ARK2C: variants seen among roughly 807,000 people sequenced by gnomAD.
ARK2C encodes arkadia (RNF111) C-terminal like ring finger ubiquitin ligase 2C.
chr18:46,392,840 G>C, the ARK2C span, among the ~76,000 whole-genome samples: 1 of 152,308 alleles, frequency 6.6e-6, no homozygotes, highest in South Asian at 2.1e-4. Flanking sequence ...CAACACGCCT[G>C]GGTGGAGTTG....
chr18:46,368,041 C>T, the ARK2C span, among the ~76,000 whole-genome samples: 6 of 152,188 alleles, frequency 3.9e-5, no homozygotes, highest in Non-Finnish European at 7.3e-5. Context: ...GGCCTGGCCC[C>T]AGAACCATGG....
chr18:46,397,533 TGTGTGG>T, the ARK2C span, among the ~76,000 whole-genome samples: 70 of 133,490 alleles, frequency 5.2e-4, no homozygotes, highest in African/African-American at 2.1e-3. Flanking sequence ...AGGTGGTGTG[TGTGTGG>T]GGTCATGCTG....
At chr18:46,421,140 TG>T in the ARK2C span, among the ~76,000 whole-genome samples, 6 of 152,248 alleles carry the variant, frequency 3.9e-5, no homozygotes, top group African/African-American at 1.4e-4. Flanking sequence ...CAGTTCATGC[TG>T]GACCTGCAAC....
the ARK2C span, among the ~76,000 whole-genome samples, chr18:46,369,210 G>T: frequency 6.6e-6 from 1 of 152,320 alleles, no homozygotes; most frequent in East Asian, 1.9e-4. Context: ...TAGAAGCAAC[G>T]TGTGGTTGTT....
At chr18:46,372,661 G>C in the ARK2C span, among the ~76,000 whole-genome samples, 1 of 152,284 alleles carries the variant, frequency 6.6e-6, no homozygotes, top group East Asian at 1.9e-4. Context: ...TGTTAGAATT[G>C]GGGGGCAGAG....
chr18:46,359,951 C>A, the ARK2C span, among the ~76,000 whole-genome samples: 1 of 152,152 alleles, frequency 6.6e-6, no homozygotes, highest in African/African-American at 2.4e-5. Flanking sequence ...TGCAAGGGAA[C>A]CTGGAAAAGG....
At chr18:46,375,885 G>T in the ARK2C span, among the ~76,000 whole-genome samples, 1 of 152,196 alleles carries the variant, frequency 6.6e-6, no homozygotes, top group Admixed American at 6.5e-5. Context: ...AAGGGCTGGG[G>T]AAATAGCAAA....
At chr18:46,393,131 T>A in the ARK2C span, among the ~76,000 whole-genome samples, 23 of 152,188 alleles carry the variant, frequency 1.5e-4, no homozygotes, top group African/African-American at 5.3e-4. Flanking sequence ...AAATCCAGAC[T>A]TTTTCTGATC....
At chr18:46,433,603 G>T in the ARK2C span, 1 of 1,106,064 alleles carries the variant, frequency 9.0e-7, no homozygotes, top group South Asian at 1.7e-5. Context: ...CGTGGCCCGG[G>T]TGTGGCGGAG....
the ARK2C span, among the ~76,000 whole-genome samples, chr18:46,418,086 G>A: frequency 9.9e-5 from 15 of 151,988 alleles, no homozygotes; most frequent in South Asian, 2.1e-4. Flanking sequence ...GCTAAGTGTG[G>A]TTGCTTATGC....
the ARK2C span, among the ~76,000 whole-genome samples, chr18:46,375,064 T>C: frequency 1.3e-5 from 2 of 152,150 alleles, no homozygotes; most frequent in Non-Finnish European, 2.9e-5. Context: ...GCCGGAGGAT[T>C]TGGGGTTTCT....
At chr18:46,389,356 AGTTC>A in the ARK2C span, among the ~76,000 whole-genome samples, 1 of 152,240 alleles carries the variant, frequency 6.6e-6, no homozygotes, top group African/African-American at 2.4e-5. Context: ...CATCACTGTA[AGTTC>A]TAAACACACT....
the ARK2C span, among the ~76,000 whole-genome samples, chr18:46,365,454 A>G: frequency 1.3e-5 from 2 of 152,194 alleles, no homozygotes; most frequent in Non-Finnish European, 2.9e-5. Flanking sequence ...CAGGGCACCA[A>G]GTCTGAGGTC....
chr18:46,446,146 G>A, the ARK2C span, among the ~76,000 whole-genome samples: 1 of 152,192 alleles, frequency 6.6e-6, no homozygotes, highest in African/African-American at 2.4e-5. Context: ...ACTACTGTCT[G>A]GTTGTTGCTT....
chr18:46,404,719 C>T, the ARK2C span, among the ~76,000 whole-genome samples: 1 of 152,072 alleles, frequency 6.6e-6, no homozygotes, highest in African/African-American at 2.4e-5. Flanking sequence ...CGCCGCCACA[C>T]TCCAGCCTGG....
chr18:46,365,720 G>A, the ARK2C span, among the ~76,000 whole-genome samples: 1 of 152,088 alleles, frequency 6.6e-6, no homozygotes, highest in Non-Finnish European at 1.5e-5. Context: ...GTCCAGGCTG[G>A]TCTTGAACTC....
chr18:46,395,018 A>G, the ARK2C span, among the ~76,000 whole-genome samples: 1 of 152,346 alleles, frequency 6.6e-6, no homozygotes, highest in East Asian at 1.9e-4. Context: ...TTTCGGACCA[A>G]GAATCTGCCA....
At chr18:46,383,300 A>G in the ARK2C span, among the ~76,000 whole-genome samples, 1 of 152,382 alleles carries the variant, frequency 6.6e-6, no homozygotes, top group East Asian at 1.9e-4. Flanking sequence ...CAATTTTTCT[A>G]CAAATATCTA....
the ARK2C span, chr18:46,337,118 C>T: frequency 5.1e-6 from 5 of 985,186 alleles, no homozygotes; most frequent in African/African-American, 8.7e-5. Flanking sequence ...AACAAAACAG[C>T]AGCAATAATA....
Sources: allele counts gnomAD v4.1 joint callset (sites outside exome capture counted in the v4.1 genomes callset), GRCh38; gene constraint gnomAD v4.1.1; transcripts MANE v1.5; gene names NCBI Gene and HGNC (gene_info 2026-07-23, HGNC 2026-07-21).